SMC2: variants seen among roughly 807,000 people sequenced by gnomAD.
SMC2 encodes the protein structural maintenance of chromosomes protein 2.
In SMC2, 41 loss-of-function variants were observed where a neutral mutation model predicts 142.6. The ratio of observed to expected loss-of-function variants is 0.29; its 90% CI spans 0.22 to 0.37. SMC2 has a LOEUF of 0.37. SMC2 is among the 10% of genes least tolerant of loss of function. The pLI is 1.00. For synonymous variants in SMC2, 463 were observed against 457.5 expected, an observed-to-expected ratio of 1.01 and a Z score of -0.15; for missense variants, 1,265 against 1,373.7, an observed-to-expected ratio of 0.92 and a Z score of 1.25.
intron 9 of SMC2, among the ~76,000 whole-genome samples, chr9:104,105,845 T>C (rs1241013614): frequency 4.6e-5 from 7 of 152,160 alleles, no homozygotes; most frequent in Non-Finnish European, 1.0e-4. Flanking sequence ...TAACATCTTA[T>C]CATGTTACCC....
intron 23 of SMC2, among the ~76,000 whole-genome samples, chr9:104,135,425 AAACTGG>A (rs56657989): frequency 0.016 from 2,507 of 152,274 alleles, 89 homozygotes; most frequent in African/African-American, 0.057. Context: ...GAGAAATAAA[AAACTGG>A]AGAAAGAAAA....
intron 9 of SMC2, among the ~76,000 whole-genome samples, chr9:104,110,009 C>T (rs192358768): frequency 6.6e-6 from 1 of 152,164 alleles, no homozygotes; most frequent in African/African-American, 2.4e-5. Context: ...CCTCCTGTTG[C>T]TATTGTGGTG....
intron 23 of SMC2, among the ~76,000 whole-genome samples, chr9:104,137,377 G>A (rs948578795): frequency 2.0e-5 from 3 of 152,170 alleles, no homozygotes; most frequent in Non-Finnish European, 4.4e-5. Context: ...ATGAGCTGCA[G>A]TAAGCTAAAA....
At chr9:104,112,476 A>G (rs1832578185) in intron 10 of SMC2, among the ~76,000 whole-genome samples, 1 of 152,206 alleles carries the variant, frequency 6.6e-6, no homozygotes. Flanking sequence ...AATGGAAGAC[A>G]CAGATTTTAA....
Position 104,127,433 on chromosome 9 carries a change from C to A in SMC2, c.2743C>A (p.His915Asn). 1 of 1,613,072 alleles carries A rather than the reference C, an allele frequency of 6.2e-7. No individual in the cohort carries two copies. The highest frequency in any genetic ancestry group is 8.5e-7 in the Non-Finnish European group (1 of 1,179,432). The part of the protein sequence containing the change: ...DSQLKIKELD[H>N]NISKHKREAE... ...TCAGCTTAAAATTAAGGAATTAGAC[C>A]ACAACATCAGCAAACATAAACGGGA... is the stretch of plus-strand genomic sequence containing the variant. The change falls in exon 20 of 25, where the codon CAC becomes AAC. Residue 915 changes from histidine to asparagine, a missense_variant. Coordinates refer to ENST00000374793, the MANE Select transcript of SMC2 (RefSeq NM_006444.3).
At chr9:104,115,580 A>G (rs188474386) in intron 13 of SMC2, among the ~76,000 whole-genome samples, 4 of 150,068 alleles carry the variant, frequency 2.7e-5, no homozygotes, top group Non-Finnish European at 4.4e-5. Flanking sequence ...GGAAGACTGT[A>G]TCTCAAAAAA....
At chr9:104,137,134 C>A (rs1000631321) in intron 23 of SMC2, among the ~76,000 whole-genome samples, 1 of 151,868 alleles carries the variant, frequency 6.6e-6, no homozygotes, top group Non-Finnish European at 1.5e-5. Flanking sequence ...GGTGACAGAG[C>A]AAGACTCTCA....
upstream of SMC2, chr9:104,092,589 GCAGA>G (rs1179136226): frequency 3.9e-5 from 6 of 152,180 alleles, no homozygotes; most frequent in African/African-American, 1.4e-4. Flanking sequence ...AGGAATCAAG[GCAGA>G]CAAAGATATC....
intron 17 of SMC2, 28 bp downstream of exon 17, chr9:104,123,260 C>T (rs1306886417): frequency 6.2e-7 from 1 of 1,603,788 alleles, no homozygotes; most frequent in African/African-American, 1.3e-5. Flanking sequence ...CATGCTTAAT[C>T]TCTGGTTTTA....
rs769781627 is a variant in SMC2 at position 104,118,345 on chromosome 9, G to A, written c.1966G>A (p.Val656Met). Reference sequence around the variant, plus strand: ...TAGAACTGTAACTCTCGGAGGTGATGTGTTTGATCCTCATGGGACATTGAG... The same window carrying A: ...TAGAACTGTAACTCTCGGAGGTGATATGTTTGATCCTCATGGGACATTGAG... Reference protein sequence around the residue: ...MTRTVTLGGDVFDPHGTLSGG... With the variant: ...MTRTVTLGGDMFDPHGTLSGG... The change falls in exon 15 of 25, where the codon GTG becomes ATG. Residue 656 changes from valine to methionine, a missense_variant. Physicochemically the swap from Val to Met is conservative, Grantham distance 21 (BLOSUM62 1). Coordinates refer to ENST00000374793, the MANE Select transcript of SMC2 (RefSeq NM_006444.3). 6.2e-7 allele frequency: 1 copy of A among 1,613,610 alleles called. No homozygotes were observed. Among genetic ancestry groups the A allele is most frequent in the Admixed American group, 1.7e-5 (1 of 60,006 alleles).
chr9:104,098,827 A>C (rs537161624), intron 4 of SMC2, among the ~76,000 whole-genome samples: 31 of 124,246 alleles, frequency 2.5e-4, no homozygotes, highest in African/African-American at 8.0e-4. Flanking sequence ...AGAACAATAC[A>C]TGTTAACTGT....
intron 9 of SMC2, among the ~76,000 whole-genome samples, chr9:104,108,418 T>C (rs1832057022): frequency 6.6e-6 from 1 of 152,306 alleles, no homozygotes; most frequent in South Asian, 2.1e-4. Context: ...ACTTTCCATA[T>C]ACTCGTCCTC....
chr9:104,099,617 T>A, intron 4 of SMC2, 27 bp from the exon 5 acceptor site: 1 of 1,449,546 alleles, frequency 6.9e-7, no homozygotes, highest in Non-Finnish European at 9.7e-7. Flanking sequence ...ATTTGTTATC[T>A]TAGTAAGTTT....
intron 3 of SMC2, among the ~76,000 whole-genome samples, chr9:104,097,392 C>T (rs1830564175): frequency 6.9e-6 from 1 of 144,956 alleles, no homozygotes. Context: ...AGGTGTGAGC[C>T]ACGGCGCCTG....
chr9:104,111,885 C>A, intron 10 of SMC2, 71 bp downstream of exon 10: 1 of 1,057,268 alleles, frequency 9.5e-7, no homozygotes, highest in Non-Finnish European at 1.4e-6. Flanking sequence ...TATGCTTTGG[C>A]AATTGTTACA....
chr9:104,123,585 CTTT>C (rs1484838861), intron 17 of SMC2, among the ~76,000 whole-genome samples: 1 of 152,048 alleles, frequency 6.6e-6, no homozygotes, highest in East Asian at 1.9e-4. Context: ...AATTTGGGAT[CTTT>C]TTTTGTATGT....
At chr9:104,114,601 T>TAA in intron 12 of SMC2, 90 bp from the exon 13 acceptor site, 1 of 1,126,750 alleles carries the variant, frequency 8.9e-7, no homozygotes, top group Non-Finnish European at 1.2e-6. Flanking sequence ...TTCACTTTAA[T>TAA]GTGTTGTCCA....
intron 15 of SMC2, 41 bp downstream of exon 15, chr9:104,118,416 A>G (rs1457563673): frequency 1.3e-6 from 2 of 1,516,020 alleles, no homozygotes; most frequent in South Asian, 2.4e-5. Context: ...TCTTTGTGGT[A>G]AATAGGAAGA....
chr9:104,102,419 T>C lies in SMC2; in HGVS notation c.871-5T>C. On this transcript the variant is annotated splice_polypyrimidine_tract_variant and splice_region_variant and intron_variant, in intron 8 of 24. Transcript: ENST00000374793. ...AGTGATTGAATTGACTGCATTTTGT[T>C]ATAGGAAACTGGAGGTATACTTCGA... is the stretch of plus-strand genomic sequence containing the variant. 2 of 1,590,984 alleles carry C rather than the reference T, an allele frequency of 1.3e-6. No homozygotes were observed. The highest frequency in any genetic ancestry group is 1.7e-6 in the Non-Finnish European group (2 of 1,171,942).
Sources: gnomAD v4.1 joint callset for allele counts (sites outside exome capture counted in the v4.1 genomes callset) on GRCh38, gnomAD v4.1.1 for gene constraint, MANE v1.5 for transcripts, NCBI Gene and HGNC (gene_info 2026-07-23, HGNC 2026-07-21) for gene names.